PTPRT: variants seen among roughly 807,000 people sequenced by gnomAD.
PTPRT encodes the protein receptor-type tyrosine-protein phosphatase T.
In PTPRT, 56 loss-of-function variants were observed where a neutral mutation model predicts 176.8. That is an observed-to-expected ratio of 0.32 (90% confidence interval 0.26 to 0.40). PTPRT has a LOEUF of 0.40. PTPRT is among the 10% of genes least tolerant of loss of function. The probability of loss-of-function intolerance (pLI) is 1.00; values close to 1 mark genes in which losing one functional copy is unlikely to be tolerated. For missense variants in PTPRT, 1,540 were observed against 1,908.2 expected, an observed-to-expected ratio of 0.81 and a Z score of 3.60; for synonymous variants, 783 against 739.0, an observed-to-expected ratio of 1.06 and a Z score of -0.96.
intron 9 of PTPRT, among the ~76,000 whole-genome samples, chr20:42,442,550 C>T (rs780142804): frequency 6.6e-6 from 1 of 152,182 alleles, no homozygotes; most frequent in Non-Finnish European, 1.5e-5. Context: ...TCCCTTTAAG[C>T]TTCTCAGATT....
At chr20:42,727,563 C>A (rs1351443957) in intron 6 of PTPRT, among the ~76,000 whole-genome samples, 2 of 152,122 alleles carry the variant, frequency 1.3e-5, no homozygotes, top group Non-Finnish European at 1.5e-5. Context: ...CCGTGAGTGC[C>A]TAGAGCATTG....
intron 15 of PTPRT, among the ~76,000 whole-genome samples, chr20:42,222,480 C>T (rs1424225429): frequency 6.6e-6 from 1 of 152,158 alleles, no homozygotes; most frequent in African/African-American, 2.4e-5. Flanking sequence ...TTTCACTTGC[C>T]CCAAGGCAGG....
intron 11 of PTPRT, among the ~76,000 whole-genome samples, chr20:42,341,676 A>T (rs2058113342): frequency 6.6e-6 from 1 of 152,136 alleles, no homozygotes; most frequent in South Asian, 2.1e-4. Context: ...ATGACTCCCA[A>T]ATCTAAAACC....
intron 6 of PTPRT, among the ~76,000 whole-genome samples, chr20:42,692,796 G>A (rs1465401447): frequency 6.6e-6 from 1 of 152,108 alleles, no homozygotes; most frequent in Non-Finnish European, 1.5e-5. Context: ...AGTTAATTTA[G>A]AAAAGTTCCA....
chr20:43,083,347 T>TATATATATATACAC (rs1555828977), intron 1 of PTPRT, among the ~76,000 whole-genome samples: 10 of 97,784 alleles, frequency 1.0e-4, no homozygotes, highest in East Asian at 8.4e-4. Flanking sequence ...TATATATATA[T>TATATATATATACAC]ATATATATAT....
rs114881493 is a variant in PTPRT, at chr20:42,288,299, T to C, written c.2140-5774A>G. On this transcript the variant is annotated intron_variant, in intron 12 of 30. Transcript: ENST00000373187. ...ATTAATTTGCTTTCTGTGGGAATATTCTCTTAAAATGTGGTCACAATAAAG... is the reference window on the plus strand; with the variant it reads ...ATTAATTTGCTTTCTGTGGGAATATCCTCTTAAAATGTGGTCACAATAAAG... Among the ~76,000 whole-genome samples the C allele has an allele frequency of 6.1e-3, 929 of 152,026 alleles. 5 individuals are homozygous for C. The highest frequency in any genetic ancestry group is 0.021 in the African/African-American group (891 of 41,528).
At chr20:42,183,735 G>T (rs1478179120) in intron 16 of PTPRT, among the ~76,000 whole-genome samples, 1 of 152,032 alleles carries the variant, frequency 6.6e-6, no homozygotes, top group Non-Finnish European at 1.5e-5. Flanking sequence ...CCTATAGAAG[G>T]GTTGAGTCTG....
At position 43,152,360 on chromosome 20, in the gene PTPRT, A is replaced by G. The variant is rs529375950; in HGVS notation, c.88+37286T>C. 1.3e-4 allele frequency among the ~76,000 whole-genome samples: 20 copies of G among 152,348 alleles called. 1 individual carries two copies. In the East Asian group the frequency reaches 3.1e-3, roughly 24 times the overall value. Reference sequence around the variant, plus strand: ...TTGTATTACTTGTTTAAAATAATCTATAACTAGACAAGAAAAAAATACATA... The same window carrying G: ...TTGTATTACTTGTTTAAAATAATCTGTAACTAGACAAGAAAAAAATACATA... On this transcript the variant is annotated intron_variant, in intron 1 of 30. Coordinates refer to ENST00000373187, the MANE Select transcript of PTPRT (RefSeq NM_007050.6).
At chr20:42,706,405 T>C (rs928340054) in intron 6 of PTPRT, among the ~76,000 whole-genome samples, 5 of 151,946 alleles carry the variant, frequency 3.3e-5, no homozygotes, top group Non-Finnish European at 5.9e-5. Context: ...ACATCTGGAG[T>C]TTGTATTTTT....
At chr20:42,401,718 G>A (rs1362112040) in intron 9 of PTPRT, among the ~76,000 whole-genome samples, 1 of 151,932 alleles carries the variant, frequency 6.6e-6, no homozygotes, top group East Asian at 1.9e-4. Flanking sequence ...TGCAATGGAT[G>A]TGCCCAGTAC....
chr20:42,681,860 G>T (rs1225698846), intron 6 of PTPRT, among the ~76,000 whole-genome samples: 1 of 152,178 alleles, frequency 6.6e-6, no homozygotes, highest in Non-Finnish European at 1.5e-5. Context: ...AGCAAGAAAT[G>T]AACAAGCTGC....
At chr20:42,046,421 G>T in the PTPRT span, among the ~76,000 whole-genome samples, 1 of 152,182 alleles carries the variant, frequency 6.6e-6, no homozygotes, top group East Asian at 1.9e-4. Flanking sequence ...GAGTGAATGG[G>T]GACATTTGCA....
At chr20:42,886,771 A>G (rs11086853) in intron 1 of PTPRT, among the ~76,000 whole-genome samples, 3,961 of 152,348 alleles carry the variant, frequency 0.026, 107 homozygotes, top group African/African-American at 0.068. Flanking sequence ...TGTGGGGTGT[A>G]CAATGGAGGC....
At chr20:43,053,645 C>A (rs1251130589) in intron 1 of PTPRT, among the ~76,000 whole-genome samples, 1 of 152,194 alleles carries the variant, frequency 6.6e-6, no homozygotes, top group Non-Finnish European at 1.5e-5. Context: ...GTCTTTCCTA[C>A]CTAGAAATAC....
intron 1 of PTPRT, among the ~76,000 whole-genome samples, chr20:43,186,664 G>A (rs1218308046): frequency 6.6e-6 from 1 of 152,112 alleles, no homozygotes; most frequent in Non-Finnish European, 1.5e-5. Flanking sequence ...CCAAGAATAT[G>A]GTCTGCTTTT....
intron 12 of PTPRT, among the ~76,000 whole-genome samples, chr20:42,307,067 T>C (rs745443028): frequency 2.0e-5 from 3 of 152,134 alleles, no homozygotes; most frequent in Non-Finnish European, 2.9e-5. Flanking sequence ...TATAAGAATA[T>C]GAAGGGGAGG....
intron 7 of PTPRT, among the ~76,000 whole-genome samples, chr20:42,529,677 G>T (rs1055475117): frequency 1.5e-4 from 23 of 151,840 alleles, no homozygotes; most frequent in African/African-American, 5.3e-4. Flanking sequence ...TAGTAGAGAT[G>T]AGGTTTTTCC....
chr20:42,338,138 G>A (rs2058065925), intron 11 of PTPRT, among the ~76,000 whole-genome samples: 1 of 152,194 alleles, frequency 6.6e-6, no homozygotes, highest in African/African-American at 2.4e-5. Flanking sequence ...CTATAATTAG[G>A]AATTCTTCAA....
At chr20:42,633,156 A>AC (rs2074450558) in intron 7 of PTPRT, among the ~76,000 whole-genome samples, 1 of 152,152 alleles carries the variant, frequency 6.6e-6, no homozygotes, top group Non-Finnish European at 1.5e-5. Context: ...TACACTGAAC[A>AC]TTCTAGGTCC....
Sources: gnomAD v4.1 joint callset for allele counts (sites outside exome capture counted in the v4.1 genomes callset) on GRCh38, gnomAD v4.1.1 for gene constraint, MANE v1.5 for transcripts, NCBI Gene and HGNC (gene_info 2026-07-23, HGNC 2026-07-21) for gene names.